The following TNIK variants were observed in gnomAD, a reference collection of about 807,000 sequenced individuals.
The protein encoded by TNIK is TRAF2 and NCK interacting kinase.
A neutral mutation model predicts 191.3 loss-of-function variants in TNIK; 49 were observed. The observed-to-expected ratio is 0.26, with a 90% CI of 0.20 to 0.32. TNIK has a LOEUF of 0.32. Ranked by LOEUF, TNIK falls within the 10% of genes least tolerant of loss-of-function variation. The pLI is 1.00. For missense variants in TNIK, 1,155 were observed against 1,702.3 expected (o/e 0.68, Z 5.66); for synonymous variants, 594 against 600.9 (o/e 0.99, Z 0.17).
At chr3:171,138,929 G>C (rs1730399579) in intron 14 of TNIK, among the ~76,000 whole-genome samples, 1 of 152,062 alleles carries the variant, frequency 6.6e-6, no homozygotes, top group Non-Finnish European at 1.5e-5. Context: ...ACACCAAAAA[G>C]CCCATCTGGA....
intron 21 of TNIK, chr3:171,106,785 A>T: frequency 1.9e-6 from 1 of 533,916 alleles, no homozygotes; most frequent in Non-Finnish European, 3.9e-6. Flanking sequence ...CACAAATCAC[A>T]CACTCTAAAT....
At chr3:171,304,453 G>A (rs905985230) in intron 2 of TNIK, among the ~76,000 whole-genome samples, 5 of 152,026 alleles carry the variant, frequency 3.3e-5, no homozygotes, top group African/African-American at 7.2e-5. Context: ...TCAGTGTGGC[G>A]ATTCCTCAGG....
chr3:171,346,977 A>G (rs6763184), intron 2 of TNIK: 155,728 of 600,694 alleles, frequency 0.26, 21,090 homozygotes, highest in Admixed American at 0.36. Context: ...GCTGCACAGT[A>G]GGAATGTAGG....
intron 1 of TNIK, among the ~76,000 whole-genome samples, chr3:171,410,362 C>T (rs116120943): frequency 8.7e-4 from 133 of 152,364 alleles, no homozygotes; most frequent in African/African-American, 3.0e-3. Flanking sequence ...GCTGACACCT[C>T]TCTCCATACA....
rs189161299 is a variant in TNIK at position 171,253,592 on chromosome 3, C to G, written c.124-25371G>C. On this transcript the variant is annotated intron_variant, in intron 2 of 32. Coordinates refer to ENST00000436636, the MANE Select transcript of TNIK (RefSeq NM_015028.4). ...AGAAAAGAAATCAGAAGACAGGTCC[C>G]CCCCCCACCCCACCCCCAGTTATCT... Among the ~76,000 whole-genome samples, 17 of 135,376 alleles carry G rather than the reference C, an allele frequency of 1.3e-4. No individual in the cohort carries two copies. In the East Asian group the frequency reaches 3.1e-3, roughly 25 times the overall value. 88.8% of individuals were successfully genotyped at this position (135,376 alleles called of 152,430 possible). A position where few individuals can be genotyped will look rare whatever the true frequency, so the allele number is the denominator to read the frequency against.
intron 2 of TNIK, among the ~76,000 whole-genome samples, chr3:171,300,344 G>A (rs915872081): frequency 2.6e-5 from 4 of 152,172 alleles, no homozygotes; most frequent in African/African-American, 7.2e-5. Flanking sequence ...TTTGCTTCTT[G>A]CAAGTTTACA....
intron 2 of TNIK, among the ~76,000 whole-genome samples, chr3:171,333,245 AAAG>A (rs150157717): frequency 0.011 from 1,661 of 152,118 alleles, 25 homozygotes; most frequent in African/African-American, 0.038. Flanking sequence ...TTTCTAAAAA[AAAG>A]AAGAAGAATC....
At chr3:171,105,755 G>A (rs952008600) in intron 21 of TNIK, among the ~76,000 whole-genome samples, 4 of 152,174 alleles carry the variant, frequency 2.6e-5, no homozygotes, top group Admixed American at 2.0e-4. Context: ...CCTTAATGAC[G>A]GCCCCTCCAA....
At chr3:171,298,523 T>C (rs1467609049) in intron 2 of TNIK, among the ~76,000 whole-genome samples, 2 of 152,206 alleles carry the variant, frequency 1.3e-5, no homozygotes, top group Non-Finnish European at 2.9e-5. Context: ...CCAGAAGTGA[T>C]TTGTGTCCCT....
chr3:171,320,296 T>C (rs1276020129), intron 2 of TNIK, among the ~76,000 whole-genome samples: 1 of 152,176 alleles, frequency 6.6e-6, no homozygotes, highest in South Asian at 2.1e-4. Flanking sequence ...TCTTGCCCTC[T>C]GCCTATAAAT....
At chr3:171,333,620 C>A (rs1453542043) in intron 2 of TNIK, among the ~76,000 whole-genome samples, 2 of 151,154 alleles carry the variant, frequency 1.3e-5, no homozygotes, top group African/African-American at 4.9e-5. Context: ...AACACTGGAT[C>A]CCCATTCCCA....
intron 2 of TNIK, among the ~76,000 whole-genome samples, chr3:171,319,844 A>C (rs1754999255): frequency 6.6e-6 from 1 of 152,140 alleles, no homozygotes; most frequent in Non-Finnish European, 1.5e-5. Context: ...TAGATATTCC[A>C]ATGTTGCCTT....
In TNIK at chr3:171,124,197, A is replaced by G. The variant is rs1728163579; in HGVS notation, c.2014-495T>C. Among the ~76,000 whole-genome samples, 3 of 152,338 alleles carry G rather than the reference A, an allele frequency of 2.0e-5. 1 individual carries two copies. The South Asian group carries it at 6.2e-4, about 32-fold the overall frequency. Reference sequence around the variant, plus strand: ...AATATCAGGATAGAGCTTAAGACATAAGTCATATGTTGGTGAGCTCAGAGA... The same window carrying G: ...AATATCAGGATAGAGCTTAAGACATGAGTCATATGTTGGTGAGCTCAGAGA... On this transcript the variant is annotated intron_variant, in intron 17 of 32. Transcript: ENST00000436636.
chr3:171,073,744 G>A (rs1205571033), intron 28 of TNIK, among the ~76,000 whole-genome samples: 1 of 151,218 alleles, frequency 6.6e-6, no homozygotes, highest in African/African-American at 2.4e-5. Context: ...CCAACCAACA[G>A]ATGAACAAAT....
At chr3:171,071,536 T>C in intron 28 of TNIK, 1 of 505,478 alleles carries the variant, frequency 2.0e-6, no homozygotes, top group Non-Finnish European at 3.5e-6. Context: ...TTATGGCTTT[T>C]GCTTTATATT....
At chr3:171,301,417 C>G (rs71308508) in intron 2 of TNIK, among the ~76,000 whole-genome samples, 1 of 151,124 alleles carries the variant, frequency 6.6e-6, no homozygotes, top group Non-Finnish European at 1.5e-5. Flanking sequence ...TGGGTTCAAG[C>G]GATTCTGCTG....
At chr3:171,161,184 G>A (rs570234369) in intron 11 of TNIK, 86 bp downstream of exon 11, 162 of 1,414,900 alleles carry the variant, frequency 1.1e-4, no homozygotes, top group African/African-American at 3.0e-4. Context: ...TCTTAAAAAC[G>A]AACCTATAAA....
chr3:171,126,334 A>G (rs896385598), intron 16 of TNIK, among the ~76,000 whole-genome samples, 183 bp from the exon 17 acceptor site: 1 of 152,104 alleles, frequency 6.6e-6, no homozygotes. Flanking sequence ...CATTGGAACG[A>G]TATGTAGGGT....
At chr3:171,302,509 T>A (rs1397950880) in intron 2 of TNIK, among the ~76,000 whole-genome samples, 1 of 152,192 alleles carries the variant, frequency 6.6e-6, no homozygotes, top group Non-Finnish European at 1.5e-5. Context: ...TCAATGTGGG[T>A]AAGTGTACCT....
Sources: gnomAD v4.1 joint callset for allele counts (sites outside exome capture counted in the v4.1 genomes callset) on GRCh38, gnomAD v4.1.1 for gene constraint, MANE v1.5 for transcripts, NCBI Gene and HGNC (gene_info 2026-07-23, HGNC 2026-07-21) for gene names.